The following MCM4 variants were observed in gnomAD, a reference collection of about 807,000 sequenced individuals.
MCM4 encodes the protein DNA replication licensing factor MCM4.
Under a neutral mutation model 88.7 loss-of-function variants are expected in MCM4, and 60 were observed. That is an observed-to-expected ratio of 0.68 (90% CI 0.55 to 0.84). The LOEUF (loss-of-function observed/expected upper bound fraction) is 0.84. Ranked by LOEUF, MCM4 falls within the 40% of genes least tolerant of loss-of-function variation. The probability of loss-of-function intolerance (pLI) is 0.00; values close to 1 mark genes in which losing one functional copy is unlikely to be tolerated. For synonymous variants in MCM4, 465 were observed against 410.5 expected, an observed-to-expected ratio of 1.13 and a Z score of -1.61; for missense variants, 1,149 against 1,105.5, an observed-to-expected ratio of 1.04 and a Z score of -0.56.
In MCM4 at chr8:47,962,155, G is replaced by C. The variant is rs1484100688; in HGVS notation, c.338G>C (p.Arg113Thr). The part of the protein sequence containing the change: ...PRSGVRGTPV[R>T]QRPDLGSAQK... The stretch of plus-strand genomic sequence containing the variant: ...AGTGGTGTTAGGGGCACACCTGTGA[G>C]ACAGAGGCCTGACCTGGGCTCTGCA... The change falls in exon 4 of 17, where the codon AGA becomes ACA. Residue 113 changes from arginine (R) to threonine (T), a missense_variant. Physicochemically the swap from Arg to Thr is moderately conservative, Grantham distance 71. Coordinates refer to ENST00000649973, the MANE Select transcript of MCM4 (RefSeq NM_182746.3). 6.2e-7 allele frequency: 1 copy of C among 1,614,218 alleles called. No homozygotes were observed. The highest frequency in any genetic ancestry group is 1.6e-4 in the Middle Eastern group (1 of 6,062).
intron 8 of MCM4, among the ~76,000 whole-genome samples, chr8:47,965,945 G>A (rs1044808134): frequency 2.6e-5 from 4 of 152,194 alleles, no homozygotes; most frequent in Non-Finnish European, 1.5e-5. Context: ...GCAGGAGGCA[G>A]GGAGCAGGGT....
At position 47,973,055 on chromosome 8, in the gene MCM4, T is replaced by C; in HGVS notation, c.2127T>C (p.Ala709=). The C allele has an allele frequency of 1.2e-6, 2 of 1,613,276 alleles. No homozygotes were observed. The highest frequency in any genetic ancestry group is 1.7e-6 in the Non-Finnish European group (2 of 1,179,928). The change falls in exon 14 of 17, where the codon GCT becomes GCC. Residue 709 remains alanine (A), a synonymous_variant. Coordinates refer to ENST00000649973, the MANE Select transcript of MCM4 (RefSeq NM_182746.3). ...MPRLSEEASQ[A]LIEAYVDMRK... ...GGCTAAGTGAGGAAGCCAGCCAGGC[T>C]CTCATCGAGGTAACCCTGCTGAAAA...
intron 15 of MCM4, chr8:47,975,486 G>T (rs996047060): frequency 5.0e-5 from 16 of 320,478 alleles, no homozygotes; most frequent in Non-Finnish European, 8.4e-5. Flanking sequence ...GAAGTTGTTT[G>T]TTTCTTAGCA....
chr8:47,966,749 T>C (rs1040686477), intron 9 of MCM4, among the ~76,000 whole-genome samples: 15 of 152,234 alleles, frequency 9.9e-5, no homozygotes, highest in Non-Finnish European at 1.5e-4. Flanking sequence ...TTTCTGAAAT[T>C]TTTTCACAAA....
chr8:47,964,639 C>T lies in MCM4; in HGVS notation c.759C>T (p.Ile253=). Residue 253 remains isoleucine, a synonymous_variant, in exon 8 of 17, where the codon ATC becomes ATT. Coordinates refer to ENST00000649973, the MANE Select transcript of MCM4 (RefSeq NM_182746.3). ...TCTTTGACCGTTACCCTGACTCAATCTTAGAACATCAGATTCAAGTAAGAC... is the reference window on the plus strand; with the variant it reads ...TCTTTGACCGTTACCCTGACTCAATTTTAGAACATCAGATTCAAGTAAGAC... The part of the protein sequence containing the change: ...EIFFDRYPDS[I]LEHQIQVRPF... The T allele has an allele frequency of 2.5e-6, 4 of 1,607,748 alleles. No homozygotes were observed. The highest frequency in any genetic ancestry group is 3.4e-6 in the Non-Finnish European group (4 of 1,178,362).
intron 10 of MCM4, chr8:47,969,339 A>T (rs2090929579): frequency 6.2e-6 from 1 of 160,490 alleles, no homozygotes; most frequent in East Asian, 1.8e-4. Flanking sequence ...GCTCACCGCA[A>T]CCTCCGCCTC....
chr8:47,961,444 A>C, intron 2 of MCM4, 72 bp from the exon 3 acceptor site: 1 of 1,610,664 alleles, frequency 6.2e-7, no homozygotes, highest in South Asian at 1.1e-5. Context: ...ATAATGCCCC[A>C]AGGAAAAGAC....
At position 47,973,050 on chromosome 8, in the gene MCM4, C is replaced by T. The variant is rs756593226; in HGVS notation, c.2122C>T (p.Gln708Ter). 1.4e-5 allele frequency: 23 copies of T among 1,613,464 alleles called. No individual in the cohort carries two copies. In the East Asian group the frequency reaches 4.2e-4, roughly 30 times the overall value. The change falls in exon 14 of 17, where the codon CAG becomes TAG. Residue 708 changes from glutamine (Q) to a stop codon, truncating the protein, a stop_gained. Transcript: ENST00000649973. LOFTEE classifies it high-confidence loss of function. Reference protein sequence around the residue: ...IMPRLSEEASQALIEAYVDMR... With the variant: ...IMPRLSEEAS The stretch of plus-strand genomic sequence containing the variant: ...GCCGCGGCTAAGTGAGGAAGCCAGC[C>T]AGGCTCTCATCGAGGTAACCCTGCT...
At position 47,973,027 on chromosome 8, in the gene MCM4, C is replaced by G; in HGVS notation, c.2099C>G (p.Pro700Arg). Residue 700 changes from proline to arginine, a missense_variant, in exon 14 of 17, where the codon CCG becomes CGG. Coordinates refer to ENST00000649973, the MANE Select transcript of MCM4 (RefSeq NM_182746.3). ...GCCTACGCGCACAGCACCATCATGCCGCGGCTAAGTGAGGAAGCCAGCCAG... is the reference window on the plus strand; with the variant it reads ...GCCTACGCGCACAGCACCATCATGCGGCGGCTAAGTGAGGAAGCCAGCCAG... ...YIAYAHSTIM[P>R]RLSEEASQAL... is the part of the protein sequence containing the mutation. The G allele has an allele frequency of 6.2e-7, 1 of 1,613,916 alleles. No individual in the cohort carries two copies. Among genetic ancestry groups the G allele is most frequent in the South Asian group, 1.1e-5 (1 of 91,064 alleles).
In MCM4 at chr8:47,970,658, C is replaced by T. The variant is rs754651371; in HGVS notation, c.1582C>T (p.Pro528Ser). The change falls in exon 12 of 17, where the codon CCC becomes TCC. Residue 528 changes from proline (P) to serine (S), a missense_variant. Physicochemically the swap from Pro to Ser is moderately conservative, Grantham distance 74. Coordinates refer to ENST00000649973, the MANE Select transcript of MCM4 (RefSeq NM_182746.3). ...QLLQYVYNLV[P>S]RGQYTSGKGS... The stretch of plus-strand genomic sequence containing the variant: ...GCTGCAGTACGTGTACAACCTCGTC[C>T]CCAGGGGCCAGTACACGTCTGGGAA... 3 of 1,614,020 alleles carry T rather than the reference C, an allele frequency of 1.9e-6. No homozygotes were observed. The East Asian group carries it at 6.7e-5, about 36-fold the overall frequency.
At chr8:47,961,733 T>TA in intron 3 of MCM4, 53 bp downstream of exon 3, 1 of 1,547,230 alleles carries the variant, frequency 6.5e-7, no homozygotes, top group Non-Finnish European at 8.7e-7. Context: ...GCTGATGCTT[T>TA]ATCTGCTCAG....
chr8:47,961,786 C>T, intron 3 of MCM4, 106 bp downstream of exon 3: 2 of 1,361,984 alleles, frequency 1.5e-6, no homozygotes, highest in African/African-American at 1.5e-5. Context: ...CTAAAGCATC[C>T]CCTCTGCACG....
intron 6 of MCM4, 31 bp from the exon 7 acceptor site, chr8:47,962,914 A>C (rs1393158380): frequency 8.9e-6 from 14 of 1,569,010 alleles, no homozygotes; most frequent in Non-Finnish European, 1.1e-5. Flanking sequence ...TTAAATTAGC[A>C]AAATATAACT....
chr8:47,961,878 G>C (rs1196414314), intron 3 of MCM4, 175 bp from the exon 4 acceptor site: 28 of 893,646 alleles, frequency 3.1e-5, no homozygotes, highest in Non-Finnish European at 4.5e-5. Context: ...AGAGGAAGCA[G>C]CTTCTCTGGT....
chr8:47,962,745 GT>G lies in MCM4; in HGVS notation c.502-15del, dbSNP rs2090856638. 1 of 1,516,730 alleles carries G rather than the reference GT, an allele frequency of 6.6e-7. No individual in the cohort carries two copies. Among genetic ancestry groups the G allele is most frequent in the Non-Finnish European group, 9.0e-7 (1 of 1,107,474 alleles). The allele number at this position is 1,516,730 out of a possible 1,614,324, so 94.0% of individuals were successfully genotyped here. On this transcript the variant is annotated intron_variant, in intron 5 of 16. Transcript: ENST00000649973. ...TCCCAAATGCTATATGCCTAATACAGTTTTCTCTCCACTTAAAGAGATTTCT... is the reference window on the plus strand; with the variant it reads ...TCCCAAATGCTATATGCCTAATACAGTTTCTCTCCACTTAAAGAGATTTCT...
Position 47,977,998 on chromosome 8 carries a change from G to T in MCM4, c.*1220G>T, listed in dbSNP as rs894746836. 6.6e-6 allele frequency: 1 copy of T among 152,122 alleles called. No individual in the cohort carries two copies. Among genetic ancestry groups the T allele is most frequent in the African/African-American group, 2.4e-5 (1 of 41,422 alleles). 9.4% of individuals were successfully genotyped at this position (152,122 alleles called of 1,614,324 possible). On this transcript the variant is annotated 3_prime_UTR_variant, in exon 17 of 17. Coordinates refer to ENST00000649973, the MANE Select transcript of MCM4 (RefSeq NM_182746.3). ...CTAACCACTACATTTATGGAAATTTGTAGGGGTAAGTATTTTATAGGTCAT... is the reference window on the plus strand; with the variant it reads ...CTAACCACTACATTTATGGAAATTTTTAGGGGTAAGTATTTTATAGGTCAT...
At position 47,962,070 on chromosome 8, in the gene MCM4, G is replaced by A; in HGVS notation, c.253G>A (p.Asp85Asn). ...TTTTATAGCTATCCCTCTTGACTTT[G>A]ATGTTAGTTCACCACTGACATACGG... ...MHSSAIPLDFDVSSPLTYGTP... is the reference protein window; with the variant it reads ...MHSSAIPLDFNVSSPLTYGTP... Residue 85 changes from aspartate (D) to asparagine (N), a missense_variant, in exon 4 of 17, where the codon GAT becomes AAT. Coordinates refer to ENST00000649973, the MANE Select transcript of MCM4 (RefSeq NM_182746.3). 2 of 1,614,066 alleles carry A rather than the reference G, an allele frequency of 1.2e-6. No individual in the cohort carries two copies. Among genetic ancestry groups the A allele is most frequent in the Admixed American group, 1.7e-5 (1 of 60,014 alleles).
At chr8:47,971,552 C>T in intron 13 of MCM4, 84 bp downstream of exon 13, 1 of 1,368,168 alleles carries the variant, frequency 7.3e-7, no homozygotes, top group Non-Finnish European at 1.0e-6. Context: ...TCAGCAACTG[C>T]TAATGGAAAC....
intron 9 of MCM4, among the ~76,000 whole-genome samples, chr8:47,966,833 G>GA (rs1389991493): frequency 6.6e-6 from 1 of 152,188 alleles, no homozygotes; most frequent in African/African-American, 2.4e-5. Flanking sequence ...TAAAATGACA[G>GA]AAAAAAGTGA....
Sources: gnomAD v4.1 joint callset for allele counts (sites outside exome capture counted in the v4.1 genomes callset) on GRCh38, gnomAD v4.1.1 for gene constraint, MANE v1.5 for transcripts, NCBI Gene and HGNC (gene_info 2026-07-23, HGNC 2026-07-21) for gene names.